Variants in ZNF536 observed in about 807,000 individuals in gnomAD.
The protein encoded by ZNF536 is zinc finger protein 536.
In ZNF536, 13 loss-of-function variants were observed where a neutral mutation model predicts 84.5. The ratio of observed to expected loss-of-function variants is 0.15; its 90% CI spans 0.10 to 0.24. The LOEUF is 0.24. ZNF536 is among the 10% of genes least tolerant of loss of function. The pLI, the probability that ZNF536 is intolerant of heterozygous loss-of-function variation, is 1.00. For missense variants in ZNF536, 1,536 were observed against 1,747.5 expected (o/e 0.88, Z 2.16); for synonymous variants, 811 against 742.5 (o/e 1.09, Z -1.50).
intron 4 of ZNF536, chr19:30,556,369 C>G (rs1421174017): frequency 1.3e-5 from 2 of 152,296 alleles, no homozygotes; most frequent in Non-Finnish European, 2.9e-5. Context: ...CCTAGGATCT[C>G]TTGCAGAAAT....
At chr19:30,338,654 C>T (rs1365728124) in intron 2 of ZNF536, among the ~76,000 whole-genome samples, 1 of 152,088 alleles carries the variant, frequency 6.6e-6, no homozygotes, top group Admixed American at 6.5e-5. Flanking sequence ...CCTCCTTTTG[C>T]CCCAGTTCCC....
At chr19:30,247,656 C>T (rs530810225) in intron 1 of ZNF536, among the ~76,000 whole-genome samples, 3 of 152,072 alleles carry the variant, frequency 2.0e-5, no homozygotes, top group South Asian at 4.2e-4. Context: ...CGCAAGAGCC[C>T]GTCTCTACAG....
chr19:30,562,142 G>T (rs1185077830), downstream of ZNF536, among the ~76,000 whole-genome samples: 1 of 152,158 alleles, frequency 6.6e-6, no homozygotes, highest in Non-Finnish European at 1.5e-5. Context: ...TCAGCCAAAG[G>T]AGGGAGCATT....
At chr19:30,411,286 A>G (rs998594599) in intron 1 of ZNF536, among the ~76,000 whole-genome samples, 1 of 152,222 alleles carries the variant, frequency 6.6e-6, no homozygotes, top group African/African-American at 2.4e-5. Flanking sequence ...TCAGTTTCCC[A>G]AACCTGTACC....
intron 2 of ZNF536, among the ~76,000 whole-genome samples, chr19:30,318,651 A>T (rs989343654): frequency 3.0e-4 from 46 of 152,208 alleles, no homozygotes; most frequent in African/African-American, 1.0e-3. Context: ...GTGTGTGCGC[A>T]TGAGTCTGTG....
chr19:30,480,270 C>A (rs1205166311), intron 2 of ZNF536, among the ~76,000 whole-genome samples: 1 of 152,142 alleles, frequency 6.6e-6, no homozygotes, highest in Admixed American at 6.5e-5. Context: ...CTCTTCCTTC[C>A]CCGGGACCTC....
At position 30,548,842 on chromosome 19, in the gene ZNF536, G is replaced by T. The variant is rs753546110; in HGVS notation, c.3223G>T (p.Ala1075Ser). 8.7e-6 allele frequency: 14 copies of T among 1,614,022 alleles called. No individual in the cohort carries two copies. Among genetic ancestry groups the T allele is most frequent in the Non-Finnish European group, 1.1e-5 (13 of 1,180,044 alleles). Residue 1075 changes from alanine to serine, a missense_variant, in exon 4 of 5, where the codon GCT (alanine) becomes TCT (serine). Transcript: ENST00000355537. ...LSNMISSLDS[A>S]SEKMAQGQLK... is the part of the protein sequence containing the mutation. The stretch of plus-strand genomic sequence containing the variant: ...CAATATGATCAGCTCTCTAGACTCT[G>T]CTTCTGAGAAGATGGCCCAAGGTCA...
chr19:30,546,524 C>T (rs1184636346), intron 3 of ZNF536, among the ~76,000 whole-genome samples: 1 of 152,168 alleles, frequency 6.6e-6, no homozygotes, highest in African/African-American at 2.4e-5. Flanking sequence ...CTGCTCAGAA[C>T]CAGGCTGGTG....
At chr19:30,362,890 C>T (rs1357756080) in intron 3 of ZNF536, among the ~76,000 whole-genome samples, 1 of 152,092 alleles carries the variant, frequency 6.6e-6, no homozygotes, top group Non-Finnish European at 1.5e-5. Flanking sequence ...AAAACCCCGT[C>T]TCTACTAAAA....
chr19:30,289,535 C>T (rs1410555264), intron 2 of ZNF536, among the ~76,000 whole-genome samples: 2 of 152,192 alleles, frequency 1.3e-5, no homozygotes, highest in Non-Finnish European at 2.9e-5. Flanking sequence ...GTGCACAGGC[C>T]GACTTCCCCT....
chr19:30,454,549 GT>G (rs755792310), intron 2 of ZNF536, among the ~76,000 whole-genome samples: 1 of 152,210 alleles, frequency 6.6e-6, no homozygotes, highest in Non-Finnish European at 1.5e-5. Context: ...TAAAATATGT[GT>G]TTTTATTTTC....
At chr19:30,657,495 G>A (rs1051268559) in intron 1 of ZNF536, among the ~76,000 whole-genome samples, 51 of 152,278 alleles carry the variant, frequency 3.3e-4, no homozygotes, top group African/African-American at 1.1e-3. Context: ...CCACTGCTCC[G>A]ACAACGTCTT....
chr19:30,451,095 C>A (rs2052584256), intron 2 of ZNF536, among the ~76,000 whole-genome samples: 1 of 152,264 alleles, frequency 6.6e-6, no homozygotes, highest in South Asian at 2.1e-4. Flanking sequence ...GAGCTGAGAG[C>A]CGAGAGCTGA....
At chr19:30,707,526 G>A (rs910949861) in intron 1 of ZNF536, among the ~76,000 whole-genome samples, 1 of 152,220 alleles carries the variant, frequency 6.6e-6, no homozygotes, top group Admixed American at 6.5e-5. Flanking sequence ...TGCTAGCTGT[G>A]CTCTTCCTCC....
intron 1 of ZNF536, among the ~76,000 whole-genome samples, chr19:30,603,120 A>G (rs181054357): frequency 6.6e-6 from 1 of 152,300 alleles, no homozygotes; most frequent in African/African-American, 2.4e-5. Flanking sequence ...TCACACAGGC[A>G]TCTGGGGCTA....
chr19:30,286,290 CTTCT>C (rs2045623474), intron 2 of ZNF536, among the ~76,000 whole-genome samples: 1 of 152,154 alleles, frequency 6.6e-6, no homozygotes, highest in Non-Finnish European at 1.5e-5. Context: ...AAGTTTTGTC[CTTCT>C]ATCTCGGCGC....
At chr19:30,556,335 G>A (rs1271634813) in intron 4 of ZNF536, 1 of 152,312 alleles carries the variant, frequency 6.6e-6, no homozygotes, top group Non-Finnish European at 1.5e-5. Context: ...TTTGACTCTG[G>A]AGGGACAAAC....
At chr19:30,292,436 C>A (rs557985659) in intron 2 of ZNF536, among the ~76,000 whole-genome samples, 3 of 151,918 alleles carry the variant, frequency 2.0e-5, no homozygotes, top group African/African-American at 7.2e-5. Context: ...TGGGCCCAAG[C>A]CATCCTCTTG....
intron 1 of ZNF536, among the ~76,000 whole-genome samples, chr19:30,605,060 T>A (rs972693784): frequency 3.9e-5 from 6 of 152,198 alleles, no homozygotes; most frequent in African/African-American, 1.2e-4. Flanking sequence ...GGGGTCTCAT[T>A]ATCCCCATTT....
Sources: allele counts gnomAD v4.1 joint callset (sites outside exome capture counted in the v4.1 genomes callset), GRCh38; gene constraint gnomAD v4.1.1; transcripts MANE v1.5; gene names NCBI Gene and HGNC (gene_info 2026-07-23, HGNC 2026-07-21).